Variants in TCF12 observed in about 807,000 individuals in gnomAD.
TCF12 encodes the protein transcription factor 12, also known as DNA-binding protein HTF4.
A neutral mutation model predicts 86.0 loss-of-function variants in TCF12; 45 were observed. The ratio of observed to expected loss-of-function variants is 0.52; its 90% confidence interval spans 0.41 to 0.67. The LOEUF is 0.67. Ranked by LOEUF, TCF12 falls within the 30% of genes least tolerant of loss-of-function variation. The pLI is 0.00. For synonymous variants in TCF12, 330 were observed against 299.6 expected (o/e 1.10, Z -1.05); for missense variants, 881 against 859.9 (o/e 1.02, Z -0.31).
At chr15:57,149,424 C>G (rs1395736084) in intron 5 of TCF12, among the ~76,000 whole-genome samples, 4 of 152,150 alleles carry the variant, frequency 2.6e-5, no homozygotes, top group Admixed American at 2.6e-4. Flanking sequence ...TGGAAAATTG[C>G]CAGCCTTTTA....
chr15:57,206,679 C>T (rs1226200003), intron 8 of TCF12, among the ~76,000 whole-genome samples: 3 of 147,592 alleles, frequency 2.0e-5, no homozygotes, highest in Non-Finnish European at 3.0e-5. Flanking sequence ...CCTCCACCTC[C>T]TGTACTCGGA....
intron 16 of TCF12, 54 bp from the exon 17 acceptor site, chr15:57,262,040 T>C (rs575671039): frequency 1.3e-5 from 16 of 1,220,056 alleles, no homozygotes; most frequent in South Asian, 1.1e-4. Context: ...TGGACAGTTA[T>C]TGCCTCTGAA....
At chr15:57,090,870 A>G (rs979406679) in intron 4 of TCF12, among the ~76,000 whole-genome samples, 71 of 152,338 alleles carry the variant, frequency 4.7e-4, no homozygotes, top group African/African-American at 1.6e-3. Flanking sequence ...TTTAGAAACA[A>G]TATGATTTTG....
intron 3 of TCF12, among the ~76,000 whole-genome samples, chr15:56,964,102 C>T (rs2061895015): frequency 6.6e-6 from 1 of 152,188 alleles, no homozygotes; most frequent in African/African-American, 2.4e-5. Flanking sequence ...CACCTCAGTG[C>T]TAATTTTCCT....
intron 3 of TCF12, among the ~76,000 whole-genome samples, chr15:57,053,450 T>G (rs1337963915): frequency 2.0e-5 from 3 of 152,216 alleles, no homozygotes; most frequent in Non-Finnish European, 4.4e-5. Flanking sequence ...GACTTTGTTT[T>G]GAGTAGCTTT....
chr15:57,098,020 A>C (rs1295555592), intron 5 of TCF12, among the ~76,000 whole-genome samples: 2 of 148,946 alleles, frequency 1.3e-5, no homozygotes, highest in African/African-American at 2.4e-5. Context: ...AAAAAAAAAA[A>C]AAAAAAAAAA....
chr15:56,983,729 G>A (rs893427284), intron 3 of TCF12, among the ~76,000 whole-genome samples: 4 of 151,842 alleles, frequency 2.6e-5, no homozygotes, highest in South Asian at 2.1e-4. Context: ...GGCTAGGCAC[G>A]GTGGCTCAAA....
chr15:57,203,059 C>G lies in TCF12; in HGVS notation c.579+5234C>G, dbSNP rs112321866. Among the ~76,000 whole-genome samples, 28 of 152,312 alleles carry G rather than the reference C, an allele frequency of 1.8e-4. 1 individual carries two copies. The highest frequency in any genetic ancestry group is 6.8e-3 in the Middle Eastern group (2 of 294). ...AGTGAAATAAAAAGTTTTCACGTTA[C>G]CTCCACCTGTGTATATAATGTATGT... On this transcript the variant is annotated intron_variant, in intron 8 of 20. Coordinates refer to ENST00000333725, the MANE Select transcript of TCF12 (RefSeq NM_207037.2).
At chr15:56,955,810 A>G (rs887550082) in intron 3 of TCF12, among the ~76,000 whole-genome samples, 8 of 152,162 alleles carry the variant, frequency 5.3e-5, no homozygotes, top group African/African-American at 1.2e-4. Flanking sequence ...TTGGAGATCT[A>G]TCAATTATTG....
At chr15:57,016,006 G>A (rs1057509058) in intron 3 of TCF12, among the ~76,000 whole-genome samples, 21 of 152,196 alleles carry the variant, frequency 1.4e-4, no homozygotes, top group African/African-American at 4.8e-4. Context: ...GTTCTCATAT[G>A]ATTGCTGAGA....
intron 8 of TCF12, among the ~76,000 whole-genome samples, chr15:57,218,857 A>C (rs185149298): frequency 7.2e-5 from 11 of 152,308 alleles, no homozygotes; most frequent in Admixed American, 7.2e-4. Flanking sequence ...TTTCCTCAAC[A>C]TAATTTTTGT....
chr15:56,927,610 T>A (rs1350761297), intron 3 of TCF12, among the ~76,000 whole-genome samples: 1 of 152,240 alleles, frequency 6.6e-6, no homozygotes, highest in Non-Finnish European at 1.5e-5. Flanking sequence ...TTTTTGTTAA[T>A]TTGCTTTTTG....
At chr15:57,264,195 CTT>C (rs770642915) in intron 18 of TCF12, among the ~76,000 whole-genome samples, 6 of 50,698 alleles carry the variant, frequency 1.2e-4, no homozygotes, top group East Asian at 8.3e-4. Flanking sequence ...CTTTTGTAAG[CTT>C]TTTTTTTTTT....
chr15:57,184,214 G>A (rs895206649), intron 6 of TCF12, among the ~76,000 whole-genome samples: 9 of 151,808 alleles, frequency 5.9e-5, no homozygotes, highest in Non-Finnish European at 1.2e-4. Context: ...TACGTTTTCT[G>A]TTGCAACACT....
chr15:56,992,948 A>G (rs1034094125), intron 3 of TCF12, among the ~76,000 whole-genome samples: 21 of 152,284 alleles, frequency 1.4e-4, no homozygotes, highest in African/African-American at 5.1e-4. Context: ...AACCACATGC[A>G]CCCCGTCTTT....
Position 57,262,083 on chromosome 15 carries a change from C to T in TCF12, c.1468-11C>T. The T allele has an allele frequency of 1.3e-6, 2 of 1,586,100 alleles. No individual in the cohort carries two copies. The highest frequency in any genetic ancestry group is 1.7e-6 in the Non-Finnish European group (2 of 1,164,656). ...AATCTTTTTTTATTTTTGGGTTTTC[C>T]TTAACTTTAGGTTGGAACTCATCGG... On this transcript the variant is annotated splice_polypyrimidine_tract_variant and intron_variant, in intron 16 of 20. Transcript: ENST00000333725.
chr15:57,198,862 TG>T (rs1408816132), intron 8 of TCF12, among the ~76,000 whole-genome samples: 1 of 152,164 alleles, frequency 6.6e-6, no homozygotes, highest in Non-Finnish European at 1.5e-5. Flanking sequence ...AGGAGCAGCA[TG>T]GGTCTGAGCT....
intron 3 of TCF12, among the ~76,000 whole-genome samples, chr15:56,987,250 A>G (rs1275738399): frequency 6.6e-6 from 1 of 151,922 alleles, no homozygotes. Context: ...AGTAGCTGGG[A>G]TTACAGGTGC....
At chr15:57,044,629 T>C (rs2067113085) in intron 3 of TCF12, among the ~76,000 whole-genome samples, 1 of 152,140 alleles carries the variant, frequency 6.6e-6, no homozygotes, top group Non-Finnish European at 1.5e-5. Flanking sequence ...CTTTTACCCG[T>C]TTTTCTGGTC....
Sources: gnomAD v4.1 joint callset for allele counts (sites outside exome capture counted in the v4.1 genomes callset) on GRCh38, gnomAD v4.1.1 for gene constraint, MANE v1.5 for transcripts, NCBI Gene and HGNC (gene_info 2026-07-23, HGNC 2026-07-21) for gene names.